The following MAD1L1 variants were observed in gnomAD, a reference collection of about 807,000 sequenced individuals.
The protein encoded by MAD1L1 is mitotic spindle assembly checkpoint protein MAD1.
MAD1L1 carries 95 observed loss-of-function variants against 96.9 expected under a neutral mutation model. That is an observed-to-expected ratio of 0.98 (90% CI 0.83 to 1.16). The LOEUF is 1.16. Ranked by LOEUF, MAD1L1 falls within the 50% of genes most tolerant of loss-of-function variation. The pLI is 0.00. For synonymous variants in MAD1L1, 473 were observed against 396.6 expected, an observed-to-expected ratio of 1.19 and a Z score of -2.29; for missense variants, 1,007 against 954.4, an observed-to-expected ratio of 1.06 and a Z score of -0.73.
At position 1,968,437 on chromosome 7, in the gene MAD1L1, T is replaced by A. The variant is rs1201368209; in HGVS notation, c.1506-10718A>T. On this transcript the variant is annotated intron_variant, in intron 15 of 18. Transcript: ENST00000265854. This position sits in a 1 kb window ranked among gnomAD's most constrained non-coding sequence, Gnocchi z 5.6. ...CTCAGTCCGGCGATCAGGTCCACCG[T>A]CAACGCCAGCAGTCATGTCCACCAT... Among the ~76,000 whole-genome samples the A allele has an allele frequency of 6.8e-6, 1 of 146,548 alleles. No homozygotes were observed. Among genetic ancestry groups the A allele is most frequent in the Non-Finnish European group, 1.5e-5 (1 of 67,284 alleles).
intron 11 of MAD1L1, among the ~76,000 whole-genome samples, chr7:2,118,452 G>T (rs982777298): frequency 2.6e-5 from 4 of 152,278 alleles, no homozygotes; most frequent in African/African-American, 9.6e-5. Flanking sequence ...AGCCACGGGA[G>T]CTTGGCCGTG....
At chr7:2,111,271 C>G (rs548844200) in intron 11 of MAD1L1, among the ~76,000 whole-genome samples, 1 of 152,194 alleles carries the variant, frequency 6.6e-6, no homozygotes, top group Non-Finnish European at 1.5e-5. Flanking sequence ...GGCCTCAGAG[C>G]CCGCAGGCGC....
intron 18 of MAD1L1, 177 bp downstream of exon 18, chr7:1,898,023 G>T: frequency 1.5e-6 from 1 of 684,470 alleles, no homozygotes; most frequent in Non-Finnish European, 2.5e-6. Flanking sequence ...GTTGGCCCAA[G>T]GCTGAGAAGC....
At chr7:1,967,575 C>T (rs1780220034) in intron 15 of MAD1L1, among the ~76,000 whole-genome samples, 1 of 152,204 alleles carries the variant, frequency 6.6e-6, no homozygotes, top group Non-Finnish European at 1.5e-5. Context: ...GAGCCACAGG[C>T]ATACCCAGAC....
At chr7:2,183,519 T>G (rs534008729) in intron 10 of MAD1L1, among the ~76,000 whole-genome samples, 1 of 152,072 alleles carries the variant, frequency 6.6e-6, no homozygotes, top group African/African-American at 2.4e-5. Flanking sequence ...CCAACAATGA[T>G]AGACTGGATT....
intron 16 of MAD1L1, among the ~76,000 whole-genome samples, chr7:1,950,734 T>C (rs1318041464): frequency 6.6e-6 from 1 of 152,152 alleles, no homozygotes; most frequent in Non-Finnish European, 1.5e-5. Flanking sequence ...GGGAGGGTGC[T>C]CTAGTGGGGC....
intron 12 of MAD1L1, among the ~76,000 whole-genome samples, chr7:2,051,627 TCCCCCACCTCCCCCACC>T (rs964363321): frequency 2.1e-5 from 3 of 144,164 alleles, no homozygotes; most frequent in East Asian, 2.1e-4. Context: ...CACCTTGCTG[TCCCCCACCTCCCCCACC>T]CCCCCACCAG....
At chr7:2,224,184 C>T (rs1311041348) in intron 4 of MAD1L1, among the ~76,000 whole-genome samples, 1 of 152,172 alleles carries the variant, frequency 6.6e-6, no homozygotes, top group African/African-American at 2.4e-5. Flanking sequence ...GGAACTCCAA[C>T]AGCTGCACAC....
chr7:1,825,685 C>T (rs1294007277), intron 18 of MAD1L1, among the ~76,000 whole-genome samples: 6 of 152,252 alleles, frequency 3.9e-5, no homozygotes, highest in African/African-American at 1.2e-4. Context: ...CAGCTCTGCA[C>T]GAGCCTCCAC....
chr7:2,213,656 G>C (rs1793104494), intron 9 of MAD1L1, among the ~76,000 whole-genome samples: 1 of 151,862 alleles, frequency 6.6e-6, no homozygotes, highest in South Asian at 2.1e-4. Context: ...CATCTTCCAG[G>C]GGCTCCTCAG....
At chr7:2,158,095 C>G (rs904619610) in intron 10 of MAD1L1, among the ~76,000 whole-genome samples, 2 of 152,222 alleles carry the variant, frequency 1.3e-5, no homozygotes, top group Non-Finnish European at 2.9e-5. Context: ...GCTTCAGCTG[C>G]GAAGCCTTTT....
At chr7:1,973,081 T>C (rs920610760) in intron 15 of MAD1L1, among the ~76,000 whole-genome samples, 7 of 152,192 alleles carry the variant, frequency 4.6e-5, no homozygotes, top group African/African-American at 9.7e-5. Flanking sequence ...TGTGATCTGT[T>C]GTGACTGTCC....
At position 2,215,939 on chromosome 7, in the gene MAD1L1, C is replaced by A; in HGVS notation, c.870G>T (p.Leu290=). 1 of 1,614,238 alleles carries A rather than the reference C, an allele frequency of 6.2e-7. No homozygotes were observed. The highest frequency in any genetic ancestry group is 8.5e-7 in the Non-Finnish European group (1 of 1,180,046). ...TCTCCTGCATCTTCTCCTGGCGCCCCAGCTTCCTCTGCAGCCCTTCCAGCT... is the reference window on the plus strand; with the variant it reads ...TCTCCTGCATCTTCTCCTGGCGCCCAAGCTTCCTCTGCAGCCCTTCCAGCT... ...QEELEGLQRK[L]GRQEKMQETL... Residue 290 remains leucine (L), a synonymous_variant, in exon 9 of 19, where the codon CTG becomes CTT. Coordinates refer to ENST00000265854, the MANE Select transcript of MAD1L1 (RefSeq NM_001013836.2).
intron 11 of MAD1L1, among the ~76,000 whole-genome samples, chr7:2,077,779 A>G (rs1476620952): frequency 6.6e-6 from 1 of 152,182 alleles, no homozygotes; most frequent in East Asian, 1.9e-4. Context: ...TCTGCTCCGG[A>G]AGCACCCACA....
intron 18 of MAD1L1, among the ~76,000 whole-genome samples, chr7:1,819,387 G>C (rs1782004937): frequency 6.6e-6 from 1 of 152,100 alleles, no homozygotes. Flanking sequence ...GGGAGACTGA[G>C]ACACTCACTC....
intron 11 of MAD1L1, among the ~76,000 whole-genome samples, chr7:2,082,834 C>G (rs886845850): frequency 2.0e-5 from 3 of 152,234 alleles, no homozygotes; most frequent in Admixed American, 6.5e-5. Context: ...GTGCGCCGCA[C>G]GACCACTCCA....
chr7:2,173,780 T>C (rs1231032737), intron 10 of MAD1L1, among the ~76,000 whole-genome samples: 2 of 152,156 alleles, frequency 1.3e-5, no homozygotes, highest in Non-Finnish European at 2.9e-5. Context: ...CTCCAGTAGC[T>C]TTCTGAAAAA....
At chr7:1,857,068 G>T (rs540302611) in intron 18 of MAD1L1, among the ~76,000 whole-genome samples, 4 of 152,346 alleles carry the variant, frequency 2.6e-5, no homozygotes, top group African/African-American at 7.2e-5. Context: ...GAGCAGACTG[G>T]TGGGGCAGGC....
intron 18 of MAD1L1, among the ~76,000 whole-genome samples, chr7:1,887,490 T>C (rs12667946): frequency 0.7 from 103,022 of 148,184 alleles, 36,235 homozygotes; most frequent in African/African-American, 0.84. Context: ...CCCGTGTGGG[T>C]GCATGTGTGC....
Sources: allele counts gnomAD v4.1 joint callset (sites outside exome capture counted in the v4.1 genomes callset), GRCh38; gene constraint gnomAD v4.1.1; non-coding constraint Gnocchi (gnomAD v3.1); transcripts MANE v1.5; gene names NCBI Gene and HGNC (gene_info 2026-07-23, HGNC 2026-07-21).